Variants in CCBE1 observed in about 807,000 individuals in gnomAD.
CCBE1 encodes collagen and calcium-binding EGF domain-containing protein 1.
A neutral mutation model predicts 50.0 loss-of-function variants in CCBE1; 37 were observed. The observed-to-expected ratio is 0.74, with a 90% CI of 0.57 to 0.97. CCBE1 has a LOEUF of 0.97. CCBE1 is among the 50% of genes least tolerant of loss of function. The probability of loss-of-function intolerance (pLI) is 0.00; values close to 1 mark genes in which losing one functional copy is unlikely to be tolerated. For synonymous variants in CCBE1, 234 were observed against 203.7 expected (o/e 1.15, Z -1.27); for missense variants, 538 against 523.8 (o/e 1.03, Z -0.26).
intron 2 of CCBE1, among the ~76,000 whole-genome samples, chr18:59,600,873 A>G (rs767261302): frequency 6.6e-6 from 1 of 152,094 alleles, no homozygotes; most frequent in Non-Finnish European, 1.5e-5. Context: ...TAAGGTTGGT[A>G]AGGGGTGGCA....
intron 2 of CCBE1, among the ~76,000 whole-genome samples, chr18:59,502,042 T>C (rs1488897652): frequency 6.6e-6 from 1 of 152,070 alleles, no homozygotes; most frequent in Non-Finnish European, 1.5e-5. Flanking sequence ...CAAGTGATCC[T>C]CCCACCTCGG....
chr18:59,601,809 G>A (rs1216656487), intron 2 of CCBE1, among the ~76,000 whole-genome samples: 1 of 152,154 alleles, frequency 6.6e-6, no homozygotes, highest in African/African-American at 2.4e-5. Context: ...TTCTTTTGTT[G>A]AGCCAGATTC....
intron 2 of CCBE1, among the ~76,000 whole-genome samples, chr18:59,600,977 T>G (rs974952210): frequency 6.7e-6 from 1 of 148,822 alleles, no homozygotes; most frequent in East Asian, 2.0e-4. Context: ...TTCTGTACTA[T>G]GGATAGGGAT....
intron 2 of CCBE1, among the ~76,000 whole-genome samples, chr18:59,592,156 C>T (rs2053279832): frequency 6.6e-6 from 1 of 152,142 alleles, no homozygotes; most frequent in African/African-American, 2.4e-5. Context: ...CCTATGAGTT[C>T]AAGGCTACAG....
At chr18:59,578,661 G>A (rs2053037827) in intron 2 of CCBE1, among the ~76,000 whole-genome samples, 1 of 152,052 alleles carries the variant, frequency 6.6e-6, no homozygotes, top group South Asian at 2.1e-4. Flanking sequence ...CATGAAGCTG[G>A]AAACCATCAT....
chr18:59,472,448 T>C (rs1226441882), intron 3 of CCBE1, among the ~76,000 whole-genome samples: 1 of 152,242 alleles, frequency 6.6e-6, no homozygotes, highest in Non-Finnish European at 1.5e-5. Context: ...AATTGATCAC[T>C]GATTCATCAC....
At chr18:59,681,709 G>A (rs2144731000) in intron 2 of CCBE1, among the ~76,000 whole-genome samples, 1 of 152,196 alleles carries the variant, frequency 6.6e-6, no homozygotes, top group East Asian at 1.9e-4. Context: ...CATAGACCTG[G>A]GGAGTAAAAA....
Position 59,435,887 on chromosome 18 carries a change from G to C in CCBE1, c.*21C>G, listed in dbSNP as rs759082624. 36 of 1,596,132 alleles carry C rather than the reference G, an allele frequency of 2.3e-5. No homozygotes were observed. The South Asian group carries it at 3.4e-4, about 15-fold the overall frequency. ...GTGAGTTGATCTTTCTCTTCCTTTGGCGTGACGGTGTTGGGATGTGCTATG... is the reference window on the plus strand; with the variant it reads ...GTGAGTTGATCTTTCTCTTCCTTTGCCGTGACGGTGTTGGGATGTGCTATG... On this transcript the variant is annotated 3_prime_UTR_variant, in exon 11 of 11. Coordinates refer to ENST00000439986, the MANE Select transcript of CCBE1 (RefSeq NM_133459.4).
chr18:59,572,479 G>T (rs1053210162), intron 2 of CCBE1, among the ~76,000 whole-genome samples: 2 of 152,116 alleles, frequency 1.3e-5, no homozygotes, highest in African/African-American at 4.8e-5. Context: ...ACCAGAGATT[G>T]ATATGATCAT....
intron 2 of CCBE1, among the ~76,000 whole-genome samples, chr18:59,560,045 A>C (rs200594923): frequency 6.6e-6 from 1 of 152,166 alleles, no homozygotes; most frequent in East Asian, 1.9e-4. Context: ...ATATTATGCT[A>C]ACCTCTGATT....
chr18:59,573,877 A>G (rs1027851609), intron 2 of CCBE1, among the ~76,000 whole-genome samples: 4 of 152,232 alleles, frequency 2.6e-5, no homozygotes, highest in Admixed American at 6.5e-5. Context: ...TTTCATCAGG[A>G]GCATCTCAAG....
chr18:59,641,258 C>T (rs891299250), intron 2 of CCBE1, among the ~76,000 whole-genome samples: 1 of 152,084 alleles, frequency 6.6e-6, no homozygotes, highest in African/African-American at 2.4e-5. Flanking sequence ...GTATACACAC[C>T]ATAGAATACT....
chr18:59,611,136 G>T (rs769593370), intron 2 of CCBE1, among the ~76,000 whole-genome samples: 1 of 152,206 alleles, frequency 6.6e-6, no homozygotes. Context: ...TCTCACCACC[G>T]GCTCTGCCTA....
chr18:59,649,620 G>A (rs1012727906), intron 2 of CCBE1, among the ~76,000 whole-genome samples: 3 of 152,214 alleles, frequency 2.0e-5, no homozygotes, highest in African/African-American at 4.8e-5. Context: ...GACAGAATGT[G>A]GATTCCCATT....
chr18:59,578,592 A>G (rs1437856276), intron 2 of CCBE1, among the ~76,000 whole-genome samples: 5 of 152,226 alleles, frequency 3.3e-5, no homozygotes, highest in African/African-American at 1.2e-4. Flanking sequence ...TATGGCACAT[A>G]TACACCGTAG....
At chr18:59,640,263 G>A (rs1437750900) in intron 2 of CCBE1, among the ~76,000 whole-genome samples, 1 of 152,150 alleles carries the variant, frequency 6.6e-6, no homozygotes, top group African/African-American at 2.4e-5. Context: ...AAAACAGCAT[G>A]GTGCTGATAC....
chr18:59,649,948 G>A (rs1025643053), intron 2 of CCBE1, among the ~76,000 whole-genome samples: 1 of 152,094 alleles, frequency 6.6e-6, no homozygotes, highest in Non-Finnish European at 1.5e-5. Flanking sequence ...GGGGCACATG[G>A]GAAAGGAGGG....
chr18:59,694,060 C>T (rs180847030), intron 2 of CCBE1, among the ~76,000 whole-genome samples: 29 of 151,840 alleles, frequency 1.9e-4, no homozygotes, highest in Admixed American at 1.5e-3. Flanking sequence ...TTAGTAGAGA[C>T]GGGGTTTTAT....
chr18:59,518,894 T>G (rs1914483894), intron 2 of CCBE1, among the ~76,000 whole-genome samples: 1 of 152,172 alleles, frequency 6.6e-6, no homozygotes, highest in Non-Finnish European at 1.5e-5. Flanking sequence ...AACCAATGAC[T>G]GACAGCTCCC....
Sources: allele counts gnomAD v4.1 joint callset (sites outside exome capture counted in the v4.1 genomes callset), GRCh38; gene constraint gnomAD v4.1.1; transcripts MANE v1.5; gene names NCBI Gene and HGNC (gene_info 2026-07-23, HGNC 2026-07-21).